Variants in PRDM5 observed in about 807,000 individuals in gnomAD.
PRDM5 encodes PR/SET domain 5, also known as PR domain zinc finger protein 5.
In PRDM5, 56 loss-of-function variants were observed where a neutral mutation model predicts 81.2. The observed-to-expected ratio is 0.69, with a 90% CI of 0.56 to 0.86. The LOEUF (loss-of-function observed/expected upper bound fraction) is 0.86, where lower values mean the gene tolerates loss of function less well. Ranked by LOEUF, PRDM5 falls within the 40% of genes least tolerant of loss-of-function variation. The pLI is 0.00. For synonymous variants in PRDM5, 267 were observed against 256.4 expected (o/e 1.04, Z -0.39); for missense variants, 697 against 770.1 (o/e 0.91, Z 1.12).
intron 3 of PRDM5, among the ~76,000 whole-genome samples, chr4:120,846,150 T>C (rs188435746): frequency 5.3e-5 from 8 of 152,322 alleles, no homozygotes; most frequent in East Asian, 1.9e-4. Flanking sequence ...GCTGTGAACA[T>C]TGTTGAAATG....
chr4:120,763,580 G>C (rs1205597253), intron 13 of PRDM5, among the ~76,000 whole-genome samples: 1 of 152,168 alleles, frequency 6.6e-6, no homozygotes, highest in Non-Finnish European at 1.5e-5. Context: ...TTCCATGAGT[G>C]TTCCACACTG....
intron 12 of PRDM5, among the ~76,000 whole-genome samples, chr4:120,779,886 G>C (rs566752446): frequency 3.3e-5 from 5 of 151,564 alleles, no homozygotes; most frequent in Non-Finnish European, 5.9e-5. Context: ...CTCCAGCCTG[G>C]GTGACAGAGT....
downstream of PRDM5, chr4:120,684,901 T>G (rs1733778105): frequency 6.6e-6 from 1 of 152,030 alleles, no homozygotes; most frequent in Non-Finnish European, 1.5e-5. Flanking sequence ...GTTTTTCATC[T>G]CATAGGATGT....
intron 2 of PRDM5, among the ~76,000 whole-genome samples, chr4:120,872,598 T>C (rs1274657317): frequency 6.6e-6 from 1 of 151,920 alleles, no homozygotes; most frequent in African/African-American, 2.4e-5. Flanking sequence ...AAATAAAAGA[T>C]AAAAAATTAG....
intron 14 of PRDM5, among the ~76,000 whole-genome samples, chr4:120,726,909 CA>C (rs1270844452): frequency 6.6e-6 from 1 of 152,170 alleles, no homozygotes; most frequent in African/African-American, 2.4e-5. Context: ...GTGGAAAACT[CA>C]ACTCATGCTC....
intron 14 of PRDM5, among the ~76,000 whole-genome samples, chr4:120,713,297 T>C (rs1451161705): frequency 2.0e-5 from 3 of 152,180 alleles, no homozygotes; most frequent in Non-Finnish European, 2.9e-5. Context: ...ACTCATCTTT[T>C]TGCTTTCAAA....
At position 120,781,227 on chromosome 4, in the gene PRDM5, C is replaced by A. The variant is rs1459200785; in HGVS notation, c.1359G>T (p.Val453=). The A allele has an allele frequency of 1.2e-6, 2 of 1,612,110 alleles. No individual in the cohort carries two copies. The highest frequency in any genetic ancestry group is 1.7e-6 in the Non-Finnish European group (2 of 1,178,370). ...RKDTLNVHVQ[V]VHERHKKYRC... The stretch of plus-strand genomic sequence containing the variant: ...TATACTTCTTGTGTCTTTCATGAAC[C>A]ACCTGGACATGAACATTTAATGTAT... The change falls in exon 12 of 16, where the codon GTG becomes GTT. Residue 453 remains valine (V), a synonymous_variant. Coordinates refer to ENST00000264808, the MANE Select transcript of PRDM5 (RefSeq NM_018699.4).
intron 14 of PRDM5, among the ~76,000 whole-genome samples, chr4:120,711,792 G>A (rs1459096209): frequency 1.3e-5 from 2 of 152,088 alleles, no homozygotes; most frequent in African/African-American, 4.8e-5. Flanking sequence ...CAGGAACTTA[G>A]TCATCTAAGT....
chr4:120,719,965 A>G (rs1024262256), intron 14 of PRDM5, among the ~76,000 whole-genome samples: 1 of 68,330 alleles, frequency 1.5e-5, no homozygotes, highest in African/African-American at 4.1e-5. Context: ...CCATCTCAGA[A>G]GTCAGAAACT....
chr4:120,880,093 A>G (rs1043472607), intron 2 of PRDM5, among the ~76,000 whole-genome samples: 1 of 152,132 alleles, frequency 6.6e-6, no homozygotes, highest in African/African-American at 2.4e-5. Context: ...TGTTAATAAT[A>G]GGGGAAAATG....
chr4:120,695,532 G>C (rs1416572357), intron 15 of PRDM5, among the ~76,000 whole-genome samples: 2 of 152,030 alleles, frequency 1.3e-5, no homozygotes, highest in Admixed American at 1.3e-4. Context: ...TAAGCAAAAT[G>C]CTTTACGGTC....
At chr4:120,885,359 G>A (rs750878089) in intron 2 of PRDM5, 6 of 151,962 alleles carry the variant, frequency 3.9e-5, no homozygotes, top group African/African-American at 7.3e-5. Context: ...AAAAACTTGG[G>A]TAACATTAAG....
chr4:120,901,480 A>G (rs139542421), intron 2 of PRDM5, among the ~76,000 whole-genome samples: 1 of 152,334 alleles, frequency 6.6e-6, no homozygotes, highest in African/African-American at 2.4e-5. Context: ...AAAACTTTTT[A>G]AATGCCATTA....
At chr4:120,884,105 A>G (rs563886870) in intron 2 of PRDM5, among the ~76,000 whole-genome samples, 2 of 152,308 alleles carry the variant, frequency 1.3e-5, no homozygotes, top group South Asian at 2.1e-4. Context: ...CAGAGAAGCA[A>G]TATTACTACT....
At chr4:120,917,244 C>T (rs985254374) in intron 1 of PRDM5, among the ~76,000 whole-genome samples, 2 of 152,116 alleles carry the variant, frequency 1.3e-5, no homozygotes, top group African/African-American at 4.8e-5. Context: ...GTAGCTGCCT[C>T]TTCTGCACTT....
chr4:120,807,083 A>G (rs1280180903), intron 8 of PRDM5, among the ~76,000 whole-genome samples: 1 of 152,272 alleles, frequency 6.6e-6, no homozygotes, highest in South Asian at 2.1e-4. Flanking sequence ...TATGTAGCCA[A>G]CAGACACATG....
At chr4:120,697,658 G>A (rs1251632821) in intron 15 of PRDM5, among the ~76,000 whole-genome samples, 2 of 139,854 alleles carry the variant, frequency 1.4e-5, no homozygotes, top group Non-Finnish European at 3.0e-5. Flanking sequence ...ATGCCACCAT[G>A]CCCAGCTAAC....
At chr4:120,847,662 T>C (rs1758810543) in intron 3 of PRDM5, among the ~76,000 whole-genome samples, 1 of 152,164 alleles carries the variant, frequency 6.6e-6, no homozygotes. Flanking sequence ...CTGTTAAAAT[T>C]TGGGGTAAAT....
intron 14 of PRDM5, among the ~76,000 whole-genome samples, chr4:120,732,238 A>C (rs1372697588): frequency 1.3e-5 from 2 of 152,182 alleles, no homozygotes; most frequent in South Asian, 4.1e-4. Flanking sequence ...AGTTCATATG[A>C]TCATTAGGAA....
Sources: allele counts gnomAD v4.1 joint callset (sites outside exome capture counted in the v4.1 genomes callset), GRCh38; gene constraint gnomAD v4.1.1; transcripts MANE v1.5; gene names NCBI Gene and HGNC (gene_info 2026-07-23, HGNC 2026-07-21).